Variants in NRG3 observed in about 807,000 individuals in gnomAD.
NRG3 encodes neuregulin 3, also known as pro-neuregulin-3, membrane-bound isoform.
In NRG3, 31 loss-of-function variants were observed where a neutral mutation model predicts 66.9. The ratio of observed to expected loss-of-function variants is 0.46; its 90% CI spans 0.35 to 0.63. The LOEUF is 0.63. Among genes scored for constraint, NRG3 ranks in the 20% least tolerant of loss-of-function variants. NRG3 has a pLI of 0.00. For synonymous variants in NRG3, 393 were observed against 359.4 expected, an observed-to-expected ratio of 1.09 and a Z score of -1.06; for missense variants, 910 against 878.9, an observed-to-expected ratio of 1.04 and a Z score of -0.45.
At chr10:81,897,256 T>C (rs1033214117) in intron 1 of NRG3, among the ~76,000 whole-genome samples, 1 of 152,216 alleles carries the variant, frequency 6.6e-6, no homozygotes, top group African/African-American at 2.4e-5. Flanking sequence ...GAACTTGGAC[T>C]TGATTTTGTT....
At chr10:82,833,041 T>C (rs914204356) in intron 3 of NRG3, among the ~76,000 whole-genome samples, 1 of 152,058 alleles carries the variant, frequency 6.6e-6, no homozygotes, top group Non-Finnish European at 1.5e-5. Context: ...CATCTTTCAT[T>C]AGAACGCTCT....
intron 1 of NRG3, among the ~76,000 whole-genome samples, chr10:81,909,002 ATAG>A (rs1426586700): frequency 9.2e-5 from 14 of 152,164 alleles, no homozygotes; most frequent in Admixed American, 7.2e-4. Flanking sequence ...GCTTAAAACA[ATAG>A]AAGTGTATTC....
intron 2 of NRG3, among the ~76,000 whole-genome samples, chr10:82,448,306 T>A (rs567286768): frequency 6.6e-6 from 1 of 152,330 alleles, no homozygotes; most frequent in Admixed American, 6.5e-5. Flanking sequence ...CTAGAAAAAT[T>A]GGGATTTAAC....
At chr10:82,815,479 T>A (rs1475776612) in intron 3 of NRG3, among the ~76,000 whole-genome samples, 2 of 152,116 alleles carry the variant, frequency 1.3e-5, no homozygotes, top group East Asian at 3.9e-4. Flanking sequence ...CTACCTAAAT[T>A]TCCTCAAAAA....
At chr10:82,102,057 T>C (rs1321647494) in intron 1 of NRG3, among the ~76,000 whole-genome samples, 2 of 140,920 alleles carry the variant, frequency 1.4e-5, no homozygotes, top group Non-Finnish European at 3.1e-5. Flanking sequence ...GTAATGTGTG[T>C]GTATATATGT....
At chr10:82,435,450 G>A (rs1372082782) in intron 2 of NRG3, among the ~76,000 whole-genome samples, 3 of 151,912 alleles carry the variant, frequency 2.0e-5, no homozygotes, top group East Asian at 3.9e-4. Flanking sequence ...ATCTCCTTCA[G>A]TTCTTCTCTG....
At chr10:81,946,928 A>G (rs929546794) in intron 1 of NRG3, among the ~76,000 whole-genome samples, 11 of 152,180 alleles carry the variant, frequency 7.2e-5, no homozygotes, top group Non-Finnish European at 1.5e-5. Flanking sequence ...CTGTAACTGT[A>G]CTAGCTTCCT....
At chr10:82,685,183 G>GT (rs1168106286) in intron 2 of NRG3, among the ~76,000 whole-genome samples, 4 of 152,212 alleles carry the variant, frequency 2.6e-5, no homozygotes, top group African/African-American at 7.2e-5. Context: ...GAGCCCAGGT[G>GT]TTTTTTCCTA....
At chr10:82,443,918 G>A (rs1035514415) in intron 2 of NRG3, among the ~76,000 whole-genome samples, 5 of 152,136 alleles carry the variant, frequency 3.3e-5, no homozygotes, top group African/African-American at 7.2e-5. Context: ...CACCTATGGG[G>A]ATAATAGGGA....
chr10:82,595,715 G>A (rs1224898258), intron 2 of NRG3, among the ~76,000 whole-genome samples: 1 of 151,922 alleles, frequency 6.6e-6, no homozygotes, highest in Non-Finnish European at 1.5e-5. Flanking sequence ...AACCCGGGAG[G>A]CAGAGGTTGC....
chr10:81,950,595 A>G (rs900370388), intron 1 of NRG3, among the ~76,000 whole-genome samples: 3 of 152,186 alleles, frequency 2.0e-5, no homozygotes, highest in African/African-American at 7.2e-5. Context: ...CACAGAGCCA[A>G]GCCTCATTGT....
At chr10:82,459,311 G>T (rs191261061) in intron 2 of NRG3, among the ~76,000 whole-genome samples, 20 of 152,258 alleles carry the variant, frequency 1.3e-4, no homozygotes, top group African/African-American at 4.1e-4. Context: ...CTACAGAGTT[G>T]CACTGGTTTC....
At position 82,404,384 on chromosome 10, in the gene NRG3, T is replaced by C. The variant is rs2087343180; in HGVS notation, c.953+45516T>C. 3.3e-5 allele frequency among the ~76,000 whole-genome samples: 5 copies of C among 152,290 alleles called. No individual in the cohort carries two copies. The South Asian group carries it at 1.0e-3, about 32-fold the overall frequency. On this transcript the variant is annotated intron_variant, in intron 2 of 8. Coordinates refer to ENST00000372141, the MANE Select transcript of NRG3 (RefSeq NM_001010848.4). ...AGTGTCTGCTGGGACTATGAGGTTC[T>C]AATTTAACCTCACCTAATGTCTCAC... is the stretch of plus-strand genomic sequence containing the variant.
At chr10:82,862,769 A>G (rs1056823250) in intron 3 of NRG3, among the ~76,000 whole-genome samples, 1 of 152,220 alleles carries the variant, frequency 6.6e-6, no homozygotes, top group Non-Finnish European at 1.5e-5. Context: ...TTTTGTGCAG[A>G]GAAGTCAACG....
intron 4 of NRG3, among the ~76,000 whole-genome samples, chr10:82,948,216 T>C (rs1480995166): frequency 6.6e-6 from 1 of 152,104 alleles, no homozygotes; most frequent in Non-Finnish European, 1.5e-5. Context: ...TCAAAACCAA[T>C]TGGCCACATA....
chr10:82,183,182 G>A (rs1161399924), intron 1 of NRG3, among the ~76,000 whole-genome samples: 1 of 151,670 alleles, frequency 6.6e-6, no homozygotes, highest in Non-Finnish European at 1.5e-5. Flanking sequence ...TGTTTTTGTT[G>A]TTTCTGTCCA....
At chr10:82,077,157 T>A (rs1311578592) in intron 1 of NRG3, among the ~76,000 whole-genome samples, 3 of 152,196 alleles carry the variant, frequency 2.0e-5, no homozygotes, top group Non-Finnish European at 4.4e-5. Flanking sequence ...TGAACACACA[T>A]CAGCCATTTT....
rs897263436 is a variant in NRG3 at position 81,880,905 on chromosome 10, A to C, written c.823+4742A>C. 3.5e-4 allele frequency among the ~76,000 whole-genome samples: 54 copies of C among 152,168 alleles called. 1 individual carries two copies. Among genetic ancestry groups the C allele is most frequent in the Non-Finnish European group, 7.8e-4 (53 of 68,034 alleles). On this transcript the variant is annotated intron_variant, in intron 1 of 8. Transcript: ENST00000372141. ...GACAAATACATTTTGAGATCCTAGAAATTTTACTTATCCACCCAAGAAAGT... is the reference window on the plus strand; with the variant it reads ...GACAAATACATTTTGAGATCCTAGACATTTTACTTATCCACCCAAGAAAGT...
chr10:82,007,114 G>A (rs2061401349), intron 1 of NRG3, among the ~76,000 whole-genome samples: 1 of 151,710 alleles, frequency 6.6e-6, no homozygotes, highest in Non-Finnish European at 1.5e-5. Flanking sequence ...TAATCTAAAA[G>A]TCTTACCTAC....
Sources: gnomAD v4.1 joint callset for allele counts (sites outside exome capture counted in the v4.1 genomes callset) on GRCh38, gnomAD v4.1.1 for gene constraint, MANE v1.5 for transcripts, NCBI Gene and HGNC (gene_info 2026-07-23, HGNC 2026-07-21) for gene names.